Variants in GRM5 observed in about 807,000 individuals in gnomAD.
GRM5 encodes metabotropic glutamate receptor 5.
In GRM5, 19 loss-of-function variants were observed where a neutral mutation model predicts 83.1. The observed-to-expected ratio is 0.23, with a 90% CI of 0.16 to 0.34. The LOEUF (loss-of-function observed/expected upper bound fraction) is 0.34, where lower values mean the gene tolerates loss of function less well. Among genes scored for constraint, GRM5 ranks in the 10% least tolerant of loss-of-function variants. The pLI, the probability that GRM5 is intolerant of heterozygous loss-of-function variation, is 1.00. For missense variants in GRM5, 1,160 were observed against 1,588.3 expected (o/e 0.73, Z 4.58); for synonymous variants, 675 against 633.6 (o/e 1.07, Z -0.98).
chr11:88,999,171 G>T (rs1246127076), intron 2 of GRM5, among the ~76,000 whole-genome samples: 1 of 152,132 alleles, frequency 6.6e-6, no homozygotes, highest in Non-Finnish European at 1.5e-5. Context: ...TCAGGACATA[G>T]GCATGGGCAA....
rs5793377 is a variant in GRM5, at chr11:88,981,011, GA to G, written c.661+66200del. Among the ~76,000 whole-genome samples the G allele has an allele frequency of 8.6e-3, 1,277 of 148,696 alleles. 19 individuals are homozygous for G. The highest frequency in any genetic ancestry group is 0.027 in the African/African-American group (1,083 of 40,252). On this transcript the variant is annotated intron_variant, in intron 2 of 9. Coordinates refer to ENST00000305447, the MANE Select transcript of GRM5 (RefSeq NM_001143831.3). ...TTAAAACTAAAATAGTCCCTAATCA[GA>G]AAAAAAAAATGAGTTTTTTAAAAAA...
intron 8 of GRM5, among the ~76,000 whole-genome samples, chr11:88,557,894 C>A (rs1003474471): frequency 1.3e-5 from 2 of 152,012 alleles, no homozygotes; most frequent in African/African-American, 4.8e-5. Flanking sequence ...TAATGCTATC[C>A]CTTTGAGATT....
chr11:88,787,662 G>C (rs573190247), intron 3 of GRM5, among the ~76,000 whole-genome samples: 19 of 152,058 alleles, frequency 1.2e-4, no homozygotes. Flanking sequence ...TAATGATGGT[G>C]ATGCATGGAT....
In GRM5 at chr11:88,772,185, G is replaced by T. The variant is rs1016143098; in HGVS notation, c.911+77721C>A. ...AGATATCTATTGAAACATTATTATT[G>T]CTCTTAGTTTAAATTCAGGACTAAT... is the stretch of plus-strand genomic sequence containing the variant. On this transcript the variant is annotated intron_variant, in intron 3 of 9. Coordinates refer to ENST00000305447, the MANE Select transcript of GRM5 (RefSeq NM_001143831.3). 2.6e-5 allele frequency among the ~76,000 whole-genome samples: 4 copies of T among 151,688 alleles called. No homozygotes were observed. In the East Asian group the frequency reaches 7.7e-4, roughly 29 times the overall value.
chr11:88,861,449 TTAAG>T (rs200574901), intron 2 of GRM5, among the ~76,000 whole-genome samples: 3,862 of 137,970 alleles, frequency 0.028, 177 homozygotes, highest in African/African-American at 0.098. Flanking sequence ...ATTCTCTAAA[TTAAG>T]TTTTTATTGT....
intron 2 of GRM5, among the ~76,000 whole-genome samples, chr11:88,926,971 T>A (rs1177125410): frequency 1.3e-5 from 2 of 152,208 alleles, no homozygotes; most frequent in East Asian, 1.9e-4. Flanking sequence ...ACATTTCAAC[T>A]ATTTACATGT....
intron 2 of GRM5, among the ~76,000 whole-genome samples, chr11:88,944,138 G>A (rs1372225577): frequency 3.3e-5 from 5 of 152,018 alleles, no homozygotes; most frequent in Non-Finnish European, 7.4e-5. Flanking sequence ...TTTATTAGGC[G>A]GGGGAAATGA....
chr11:88,577,359 T>A (rs1000455593), intron 7 of GRM5, among the ~76,000 whole-genome samples: 1 of 152,096 alleles, frequency 6.6e-6, no homozygotes, highest in African/African-American at 2.4e-5. Flanking sequence ...TGCACACATG[T>A]AAGAAAAATG....
rs374752285 is a variant in GRM5, at chr11:88,670,982, C to G, written c.912-17579G>C. ...TAACAGAAATGCTATTAAATACACA[C>G]CAAAATGCATACAGAAGAATGTTCA... On this transcript the variant is annotated intron_variant, in intron 3 of 9. Coordinates refer to ENST00000305447, the MANE Select transcript of GRM5 (RefSeq NM_001143831.3). Among the ~76,000 whole-genome samples the G allele has an allele frequency of 6.6e-5, 10 of 152,042 alleles. No homozygotes were observed. In the South Asian group the frequency reaches 2.1e-3, roughly 32 times the overall value.
intron 2 of GRM5, among the ~76,000 whole-genome samples, chr11:88,967,030 C>T (rs538769377): frequency 6.6e-6 from 1 of 152,052 alleles, no homozygotes; most frequent in African/African-American, 2.4e-5. Context: ...ATGTCATACA[C>T]CCTATCGGGC....
intron 8 of GRM5, among the ~76,000 whole-genome samples, chr11:88,550,969 C>A (rs1565335004): frequency 1.3e-5 from 2 of 152,096 alleles, no homozygotes; most frequent in African/African-American, 4.8e-5. Flanking sequence ...CATGTCTCAA[C>A]TTCCTTACTT....
chr11:88,578,718 G>A (rs1312558894), intron 7 of GRM5, among the ~76,000 whole-genome samples: 3 of 152,030 alleles, frequency 2.0e-5, no homozygotes, highest in South Asian at 4.1e-4. Context: ...GTTAATGAAC[G>A]TTGAGAAATT....
At chr11:88,542,136 AAGG>A (rs1942281667) in intron 8 of GRM5, among the ~76,000 whole-genome samples, 1 of 152,176 alleles carries the variant, frequency 6.6e-6, no homozygotes, top group African/African-American at 2.4e-5. Flanking sequence ...ACCTTTATAG[AAGG>A]GTGAGAGCAG....
At chr11:88,786,721 CT>C (rs1565230279) in intron 3 of GRM5, among the ~76,000 whole-genome samples, 2 of 152,156 alleles carry the variant, frequency 1.3e-5, no homozygotes, top group African/African-American at 4.8e-5. Context: ...CCCACAGACA[CT>C]TTTTTGATGC....
intron 7 of GRM5, among the ~76,000 whole-genome samples, chr11:88,585,373 T>C (rs754589785): frequency 6.6e-6 from 1 of 152,230 alleles, no homozygotes; most frequent in Non-Finnish European, 1.5e-5. Flanking sequence ...TCCCCTGCAA[T>C]TGGAACAGTG....
chr11:88,801,094 C>T (rs1943384939), intron 3 of GRM5, among the ~76,000 whole-genome samples: 1 of 152,052 alleles, frequency 6.6e-6, no homozygotes, highest in South Asian at 2.1e-4. Flanking sequence ...CAGAGGCATA[C>T]CATTAAGCCT....
chr11:88,679,049 T>A (rs955110738), intron 3 of GRM5, among the ~76,000 whole-genome samples: 3 of 152,136 alleles, frequency 2.0e-5, no homozygotes, highest in Non-Finnish European at 2.9e-5. Flanking sequence ...ATACATGAAA[T>A]GTAAATAGGC....
At chr11:88,914,000 T>C (rs1945548183) in intron 2 of GRM5, among the ~76,000 whole-genome samples, 1 of 152,130 alleles carries the variant, frequency 6.6e-6, no homozygotes, top group South Asian at 2.1e-4. Flanking sequence ...ACATACCATA[T>C]GCATTCCTTT....
intron 3 of GRM5, among the ~76,000 whole-genome samples, chr11:88,735,620 G>A (rs72966413): frequency 0.051 from 7,805 of 152,118 alleles, 177 homozygotes; most frequent in Middle Eastern, 0.075. Context: ...TGGGCAGGTA[G>A]GCAGCCCCAG....
Sources: gnomAD v4.1 joint callset for allele counts (sites outside exome capture counted in the v4.1 genomes callset) on GRCh38, gnomAD v4.1.1 for gene constraint, MANE v1.5 for transcripts, NCBI Gene and HGNC (gene_info 2026-07-23, HGNC 2026-07-21) for gene names.